Variants in PDE1A observed in about 807,000 individuals in gnomAD.
PDE1A encodes phosphodiesterase 1A, also known as dual specificity calcium/calmodulin-dependent 3',5'-cyclic nucleotide phosphodiesterase 1A.
PDE1A carries 35 observed loss-of-function variants against 61.7 expected under a neutral mutation model. The observed-to-expected ratio is 0.57, with a 90% CI of 0.43 to 0.75. The LOEUF is 0.75. Among genes scored for constraint, PDE1A ranks in the 30% least tolerant of loss-of-function variants. PDE1A has a pLI of 0.00. For missense variants in PDE1A, 597 were observed against 630.6 expected (o/e 0.95, Z 0.57); for synonymous variants, 232 against 213.2 (o/e 1.09, Z -0.77).
rs528102510 is a variant in PDE1A, at chr2:182,519,257, G to A, written c.101+3019C>T. On this transcript the variant is annotated intron_variant, in intron 2 of 14. Transcript: ENST00000410103. ...TAGGAAGTGTTTTCCAGCCCTAAACGATTGATAACTTATGGCCAAGTATAT... is the reference window on the plus strand; with the variant it reads ...TAGGAAGTGTTTTCCAGCCCTAAACAATTGATAACTTATGGCCAAGTATAT... Among the ~76,000 whole-genome samples, 212 of 152,148 alleles carry A rather than the reference G, an allele frequency of 1.4e-3. 1 individual carries two copies. Among genetic ancestry groups the A allele is most frequent in the African/African-American group, 4.8e-3 (201 of 41,546 alleles).
chr2:182,190,396 T>C (rs1410601912), intron 10 of PDE1A, among the ~76,000 whole-genome samples: 1 of 152,188 alleles, frequency 6.6e-6, no homozygotes, highest in Non-Finnish European at 1.5e-5. Context: ...GGAAGGGAAT[T>C]ATTAATGCCA....
the PDE1A span, among the ~76,000 whole-genome samples, chr2:182,673,521 AATT>A: frequency 6.6e-6 from 1 of 152,184 alleles, no homozygotes; most frequent in Non-Finnish European, 1.5e-5. Context: ...ATCATGAGAG[AATT>A]ATTTTTCAGA....
intron 1 of PDE1A, among the ~76,000 whole-genome samples, chr2:182,340,332 ACTAGTTTG>A (rs1390344608): frequency 6.6e-6 from 1 of 152,184 alleles, no homozygotes; most frequent in African/African-American, 2.4e-5. Flanking sequence ...ATCACTGAAG[ACTAGTTTG>A]CTGTCAAAAC....
the PDE1A span, among the ~76,000 whole-genome samples, chr2:182,596,155 A>C: frequency 7.0e-4 from 107 of 152,340 alleles, no homozygotes; most frequent in African/African-American, 2.5e-3. Flanking sequence ...TAAGTCTCTA[A>C]AACAAAGTCT....
At chr2:182,427,807 T>A (rs1438567969), upstream of PDE1A, among the ~76,000 whole-genome samples, 1 of 152,166 alleles carries the variant, frequency 6.6e-6, no homozygotes, top group African/African-American at 2.4e-5. Context: ...ATTCAGTCAA[T>A]AATGTCATAA....
chr2:182,585,785 GAAT>G, the PDE1A span, among the ~76,000 whole-genome samples: 7 of 152,160 alleles, frequency 4.6e-5, no homozygotes, highest in Admixed American at 1.3e-4. Context: ...TTAGTAATCA[GAAT>G]AATAGATCAT....
At chr2:182,571,363 A>G in the PDE1A span, among the ~76,000 whole-genome samples, 1 of 152,206 alleles carries the variant, frequency 6.6e-6, no homozygotes, top group African/African-American at 2.4e-5. Flanking sequence ...AAGAGATGAT[A>G]GGACTGGACA....
At chr2:182,205,271 T>A (rs1031619178) in intron 8 of PDE1A, among the ~76,000 whole-genome samples, 1 of 152,192 alleles carries the variant, frequency 6.6e-6, no homozygotes, top group African/African-American at 2.4e-5. Context: ...TAATTGATTG[T>A]CCTTTACTTT....
the PDE1A span, among the ~76,000 whole-genome samples, chr2:182,701,104 A>G: frequency 8.6e-5 from 13 of 151,958 alleles, no homozygotes; most frequent in East Asian, 3.9e-4. Context: ...GCGCGATCTC[A>G]GCTCACTGCA....
At chr2:182,476,967 C>CA (rs1488017720) in intron 2 of PDE1A, among the ~76,000 whole-genome samples, 1 of 150,360 alleles carries the variant, frequency 6.7e-6, no homozygotes, top group African/African-American at 2.4e-5. Flanking sequence ...ATACATGACA[C>CA]ATTTTGCCTC....
chr2:182,506,584 T>G (rs955746578), intron 2 of PDE1A, among the ~76,000 whole-genome samples: 1 of 152,262 alleles, frequency 6.6e-6, no homozygotes, highest in Non-Finnish European at 1.5e-5. Flanking sequence ...TCAGAGCTTA[T>G]GAATGTAAAA....
chr2:182,142,615 GTTTTTGCTTCC>G (rs1225890597), downstream of PDE1A: 2 of 152,102 alleles, frequency 1.3e-5, no homozygotes, highest in Admixed American at 1.3e-4. Flanking sequence ...CAATAATTTT[GTTTTTGCTTCC>G]TTTTATTTAA....
At chr2:182,161,341 G>A (rs985617053) in intron 13 of PDE1A, among the ~76,000 whole-genome samples, 3 of 151,978 alleles carry the variant, frequency 2.0e-5, no homozygotes, top group Admixed American at 6.6e-5. Flanking sequence ...AAGTGAGGAC[G>A]TTGGTTGGGG....
intron 2 of PDE1A, among the ~76,000 whole-genome samples, chr2:182,460,023 T>C (rs1288548423): frequency 1.3e-5 from 2 of 152,130 alleles, no homozygotes; most frequent in African/African-American, 4.8e-5. Flanking sequence ...CATCTTTTGT[T>C]CTTCCTTCTT....
chr2:182,407,079 T>TCATG (rs1702341349), intron 1 of PDE1A, among the ~76,000 whole-genome samples: 1 of 152,160 alleles, frequency 6.6e-6, no homozygotes, highest in Non-Finnish European at 1.5e-5. Flanking sequence ...CAAAATGTTT[T>TCATG]CTTCACATGA....
intron 2 of PDE1A, among the ~76,000 whole-genome samples, chr2:182,490,234 A>G (rs546454035): frequency 1.0e-3 from 155 of 152,364 alleles, no homozygotes; most frequent in Non-Finnish European, 1.4e-3. Flanking sequence ...TAAAAAAATT[A>G]TTAGAGTGGA....
rs1274218665 is a variant in PDE1A at position 182,451,194 on chromosome 2, C to T, written c.101+71082G>A. Among the ~76,000 whole-genome samples the T allele has an allele frequency of 1.3e-4, 4 of 29,978 alleles. 1 individual carries two copies. The highest frequency in any genetic ancestry group is 1.3e-4 in the Non-Finnish European group (2 of 14,980). The allele number at this position is 29,978 out of a possible 152,430, so 19.7% of individuals were successfully genotyped here. A position where few individuals can be genotyped will look rare whatever the true frequency, so the allele number is the denominator to read the frequency against. Reference sequence around the variant, plus strand: ...GAGATCGAGACCATCCCGGCTAACACGGTGAAACCCTGTCTCTACTAAAAA... The same window carrying T: ...GAGATCGAGACCATCCCGGCTAACATGGTGAAACCCTGTCTCTACTAAAAA... On this transcript the variant is annotated intron_variant, in intron 2 of 14. Transcript: ENST00000410103.
chr2:182,532,971 A>AAAAC, the PDE1A span, among the ~76,000 whole-genome samples: 1 of 149,652 alleles, frequency 6.7e-6, no homozygotes, highest in East Asian at 2.0e-4. Flanking sequence ...AAAAAAAAAA[A>AAAAC]AACAATGAAT....
chr2:182,649,806 C>T, the PDE1A span, among the ~76,000 whole-genome samples: 2,127 of 152,210 alleles, frequency 0.014, 29 homozygotes, highest in Middle Eastern at 0.027. Context: ...AACAGGGTTT[C>T]ACCATCTTGG....
Sources: gnomAD v4.1 joint callset for allele counts (sites outside exome capture counted in the v4.1 genomes callset) on GRCh38, gnomAD v4.1.1 for gene constraint, MANE v1.5 for transcripts, NCBI Gene and HGNC (gene_info 2026-07-23, HGNC 2026-07-21) for gene names.